RXRA: variants seen among roughly 807,000 people sequenced by gnomAD.
RXRA encodes the protein retinoid X receptor alpha, also known as retinoic acid receptor RXR-alpha.
A neutral mutation model predicts 44.5 loss-of-function variants in RXRA; 5 were observed. That is an observed-to-expected ratio of 0.11 (90% CI 0.06 to 0.24). The LOEUF is 0.24. Among genes scored for constraint, RXRA ranks in the 10% least tolerant of loss-of-function variants. RXRA has a pLI of 1.00. For synonymous variants in RXRA, 291 were observed against 271.4 expected (o/e 1.07, Z -0.71); for missense variants, 412 against 646.5 (o/e 0.64, Z 3.93).
At chr9:134,382,480 C>T (rs72768793) in intron 1 of RXRA, among the ~76,000 whole-genome samples, 6 of 152,218 alleles carry the variant, frequency 3.9e-5, no homozygotes, top group Non-Finnish European at 7.4e-5. Flanking sequence ...GCCGGTCCTG[C>T]GAGAAAGCCC....
At chr9:134,393,041 A>G (rs1830823680) in intron 1 of RXRA, among the ~76,000 whole-genome samples, 1 of 148,544 alleles carries the variant, frequency 6.7e-6, no homozygotes, top group Non-Finnish European at 1.5e-5. Flanking sequence ...AAAAAAACCC[A>G]TCCTGCCCTG....
Position 134,349,959 on chromosome 9 carries a change from A to G in RXRA, c.28+23300A>G, listed in dbSNP as rs998098459. Among the ~76,000 whole-genome samples, 2 of 151,836 alleles carry G rather than the reference A, an allele frequency of 1.3e-5. No individual in the cohort carries two copies. Among genetic ancestry groups the G allele is most frequent in the African/African-American group, 4.9e-5 (2 of 41,196 alleles). On this transcript the variant is annotated intron_variant, in intron 1 of 9. Transcript: ENST00000481739. This position sits in a 1 kb window ranked among gnomAD's most constrained non-coding sequence, Gnocchi z 4.3. ...CTGCAGCTGGTGTCTGGAGGTCCCC[A>G]GGCACTGCTGGGACCCCTTCCCCAA... is the stretch of plus-strand genomic sequence containing the variant.
At chr9:134,425,257 G>A (rs998752146) in intron 6 of RXRA, 1 of 985,334 alleles carries the variant, frequency 1.0e-6, no homozygotes, top group African/African-American at 1.7e-5. Flanking sequence ...CCTTCCTTGG[G>A]GTGGGCTGCT....
intron 1 of RXRA, among the ~76,000 whole-genome samples, chr9:134,390,527 G>A (rs767624451): frequency 4.6e-5 from 7 of 152,206 alleles, no homozygotes; most frequent in Non-Finnish European, 1.0e-4. Context: ...GGGGTGGTTT[G>A]TCTCGCTCAG....
chr9:134,358,250 G>A (rs1479508387), intron 1 of RXRA, among the ~76,000 whole-genome samples: 3 of 152,208 alleles, frequency 2.0e-5, no homozygotes, highest in South Asian at 2.1e-4. Context: ...TCTGGCTCAC[G>A]AGCCAGGAGA....
chr9:134,373,009 C>T (rs545667647), intron 1 of RXRA, among the ~76,000 whole-genome samples: 1 of 152,346 alleles, frequency 6.6e-6, no homozygotes, highest in African/African-American at 2.4e-5. Context: ...AACCTGTGGT[C>T]AAGCCTGGCC....
At chr9:134,376,868 A>T (rs1363681518) in intron 1 of RXRA, among the ~76,000 whole-genome samples, 1 of 152,144 alleles carries the variant, frequency 6.6e-6, no homozygotes, top group African/African-American at 2.4e-5. Flanking sequence ...TGGTGAGGGC[A>T]CCTTGGGCGT....
At chr9:134,379,334 G>A (rs1372865976) in intron 1 of RXRA, 1 of 987,332 alleles carries the variant, frequency 1.0e-6, no homozygotes. Context: ...AAGGAGGGCT[G>A]GGGGCTCCGT....
chr9:134,370,418 T>A (rs1830477403), intron 1 of RXRA, among the ~76,000 whole-genome samples: 2 of 152,228 alleles, frequency 1.3e-5, no homozygotes, highest in South Asian at 4.1e-4. Context: ...ACGAGGCTCC[T>A]CACCTCGGGA....
chr9:134,422,586 C>G (rs561248130), intron 6 of RXRA: 31 of 1,122,678 alleles, frequency 2.8e-5, no homozygotes, highest in Non-Finnish European at 3.4e-5. Context: ...TCCCCTCTCC[C>G]GGGACACTCC....
At position 134,401,805 on chromosome 9, in the gene RXRA, A is replaced by G. The variant is rs757659123; in HGVS notation, c.202A>G (p.Ile68Val). 1.9e-6 allele frequency: 3 copies of G among 1,612,818 alleles called. No homozygotes were observed. Among genetic ancestry groups the G allele is most frequent in the South Asian group, 1.1e-5 (1 of 91,072 alleles). ...INGMGPPFSV[I>V]SSPMGPHSMS... is the part of the protein sequence containing the mutation. ...CGGCATGGGCCCGCCTTTCTCGGTC[A>G]TCAGCTCCCCCATGGGCCCCCACTC... The change falls in exon 2 of 10, where the codon ATC becomes GTC. Residue 68 changes from isoleucine (I) to valine (V), a missense_variant. Transcript: ENST00000481739.
At chr9:134,362,694 G>A (rs998880560) in intron 1 of RXRA, among the ~76,000 whole-genome samples, 7 of 152,226 alleles carry the variant, frequency 4.6e-5, no homozygotes, top group African/African-American at 1.2e-4. Flanking sequence ...ACACACTGCC[G>A]TCTTAGCTGG....
rs1227935811 is a variant in RXRA, at chr9:134,349,985, G to A, written c.28+23326G>A. Among the ~76,000 whole-genome samples, 2 of 151,968 alleles carry A rather than the reference G, an allele frequency of 1.3e-5. No individual in the cohort carries two copies. The highest frequency in any genetic ancestry group is 3.9e-4 in the East Asian group (2 of 5,152). On this transcript the variant is annotated intron_variant, in intron 1 of 9. Transcript: ENST00000481739. This position sits in a 1 kb window ranked among gnomAD's most constrained non-coding sequence, Gnocchi z 4.3. ...GGCACTGCTGGGACCCCTTCCCCAA[G>A]CCCAGGACCCCTGATTCATGCCTCT... is the stretch of plus-strand genomic sequence containing the variant.
intron 1 of RXRA, among the ~76,000 whole-genome samples, chr9:134,355,618 A>C (rs1395449578): frequency 6.6e-6 from 1 of 152,130 alleles, no homozygotes; most frequent in East Asian, 1.9e-4. Context: ...CACTGTCCAC[A>C]GACAGGTTTT....
chr9:134,375,261 G>A (rs1372387422), intron 1 of RXRA, among the ~76,000 whole-genome samples: 3 of 152,160 alleles, frequency 2.0e-5, no homozygotes, highest in Non-Finnish European at 2.9e-5. Context: ...TGGAGAGCAG[G>A]CCGGGCCAGA....
chr9:134,401,188 A>T (rs1474516952), intron 1 of RXRA, among the ~76,000 whole-genome samples: 1 of 152,234 alleles, frequency 6.6e-6, no homozygotes, highest in African/African-American at 2.4e-5. Context: ...GTGCTCGGCG[A>T]CATCAGCCTT....
intron 1 of RXRA, among the ~76,000 whole-genome samples, chr9:134,328,102 A>C (rs1554746237): frequency 6.6e-6 from 1 of 152,156 alleles, no homozygotes; most frequent in South Asian, 2.1e-4. Flanking sequence ...GACCGAGTGC[A>C]GTGTGGAGTG....
chr9:134,412,775 G>A (rs1831170435), intron 4 of RXRA, among the ~76,000 whole-genome samples: 1 of 152,170 alleles, frequency 6.6e-6, no homozygotes, highest in East Asian at 1.9e-4. Flanking sequence ...ACCCTTGGGG[G>A]TTCCCAGTCC....
chr9:134,382,097 C>T (rs1337251314), intron 1 of RXRA, among the ~76,000 whole-genome samples: 2 of 148,626 alleles, frequency 1.3e-5, no homozygotes, highest in African/African-American at 4.9e-5. Context: ...CCCACCCCAC[C>T]AAGATGCACA....
Sources: gnomAD v4.1 joint callset for allele counts (sites outside exome capture counted in the v4.1 genomes callset) on GRCh38, gnomAD v4.1.1 for gene constraint, Gnocchi (gnomAD v3.1) non-coding constraint, MANE v1.5 for transcripts, NCBI Gene and HGNC (gene_info 2026-07-23, HGNC 2026-07-21) for gene names.